FGD4: variants seen among roughly 807,000 people sequenced by gnomAD.
The protein encoded by FGD4 is FYVE, RhoGEF and PH domain containing 4.
In FGD4, 42 loss-of-function variants were observed where a neutral mutation model predicts 102.0. The ratio of observed to expected loss-of-function variants is 0.41; its 90% CI spans 0.32 to 0.53. The LOEUF is 0.53. Ranked by LOEUF, FGD4 falls within the 20% of genes least tolerant of loss-of-function variation. The pLI is 0.21. For synonymous variants in FGD4, 380 were observed against 375.7 expected, an observed-to-expected ratio of 1.01 and a Z score of -0.13; for missense variants, 902 against 1,078.2, an observed-to-expected ratio of 0.84 and a Z score of 2.29.
intron 10 of FGD4, among the ~76,000 whole-genome samples, chr12:32,616,045 T>TAAA (rs1379337422): frequency 1.3e-5 from 2 of 152,090 alleles, no homozygotes; most frequent in African/African-American, 4.8e-5. Flanking sequence ...AAATACTTAA[T>TAAA]AAAAAGACGT....
intron 1 of FGD4, among the ~76,000 whole-genome samples, chr12:32,450,580 T>G (rs1274721302): frequency 6.6e-6 from 1 of 152,220 alleles, no homozygotes; most frequent in Non-Finnish European, 1.5e-5. Flanking sequence ...AATCAGCGAT[T>G]TCTCCAAGAG....
Position 32,582,099 on chromosome 12 carries a change from G to T in FGD4, c.643G>T (p.Asp215Tyr), listed in dbSNP as rs760087704. The T allele has an allele frequency of 3.1e-6, 5 of 1,614,202 alleles. No homozygotes were observed. The highest frequency in any genetic ancestry group is 4.2e-6 in the Non-Finnish European group (5 of 1,180,040). Residue 215 changes from aspartate to tyrosine, a missense_variant, in exon 4 of 17, where the codon GAT (aspartate) becomes TAT (tyrosine). Asp to Tyr is a radical substitution (Grantham distance 160, BLOSUM62 -3). This residue lies in a region of FGD4 where 443 missense variants were observed against 459.2 expected (regional missense o/e 0.96). Coordinates refer to ENST00000534526, the MANE Select transcript of FGD4 (RefSeq NM_001370298.3). Reference sequence around the variant, plus strand: ...GCACTTGCCACAGAGGCAGGGAAATGATACAGATAAGACTCAGGGTGCACA... The same window carrying T: ...GCACTTGCCACAGAGGCAGGGAAATTATACAGATAAGACTCAGGGTGCACA... ...SQHLPQRQGN[D>Y]TDKTQGAQTC...
intron 1 of FGD4, among the ~76,000 whole-genome samples, chr12:32,553,231 C>T (rs185248697): frequency 6.6e-6 from 1 of 152,274 alleles, no homozygotes; most frequent in Admixed American, 6.5e-5. Context: ...CTTCTTATAA[C>T]AGGCACTGTG....
chr12:32,465,208 A>G (rs1943218897), intron 1 of FGD4, among the ~76,000 whole-genome samples: 1 of 150,184 alleles, frequency 6.7e-6, no homozygotes, highest in Non-Finnish European at 1.5e-5. Context: ...ATAGCCTACT[A>G]TTGACCAGAA....
intron 1 of FGD4, among the ~76,000 whole-genome samples, chr12:32,446,115 C>T (rs1196443379): frequency 1.3e-5 from 2 of 152,322 alleles, no homozygotes; most frequent in South Asian, 4.1e-4. Context: ...GATCAGGCGA[C>T]TGCACTCCAG....
chr12:32,585,280 CT>C (rs1946935734), intron 4 of FGD4, among the ~76,000 whole-genome samples: 1 of 139,160 alleles, frequency 7.2e-6, no homozygotes, highest in Non-Finnish European at 1.6e-5. Context: ...GGCAACTTTT[CT>C]TTATTCACTT....
rs762355428 is a variant in FGD4 at position 32,500,831 on chromosome 12, A to G, written c.167-63306A>G. The stretch of plus-strand genomic sequence containing the variant: ...ATTCTGGATTCTTAGGTACTTCTAA[A>G]TTTGCACTAGAATTTTAAAACAGTC... On this transcript the variant is annotated intron_variant, in intron 1 of 16. Transcript: ENST00000534526. Among the ~76,000 whole-genome samples the G allele has an allele frequency of 9.7e-4, 148 of 152,146 alleles. 2 individuals are homozygous for G. The highest frequency in any genetic ancestry group is 2.2e-4 in the Non-Finnish European group (15 of 68,022).
chr12:32,607,895 T>G (rs1213233150), intron 7 of FGD4, 62 bp from the exon 8 acceptor site: 1 of 1,594,150 alleles, frequency 6.3e-7, no homozygotes, highest in East Asian at 2.2e-5. Flanking sequence ...TGTTTTACAG[T>G]GAGTTTTTAG....
intron 1 of FGD4, among the ~76,000 whole-genome samples, chr12:32,438,273 A>T (rs1053913010): frequency 1.6e-4 from 25 of 152,236 alleles, no homozygotes; most frequent in African/African-American, 5.3e-4. Context: ...TTGGAGAGGT[A>T]TAGCATCTAA....
intron 5 of FGD4, chr12:32,600,343 ATTAC>A (rs1948296910): frequency 1.5e-6 from 1 of 663,944 alleles, no homozygotes; most frequent in Non-Finnish European, 2.3e-6. Flanking sequence ...TAGAGTCCTA[ATTAC>A]TATAGTAACC....
chr12:32,574,320 T>A (rs1218855926), intron 2 of FGD4, among the ~76,000 whole-genome samples: 1 of 148,536 alleles, frequency 6.7e-6, no homozygotes, highest in Non-Finnish European at 1.5e-5. Flanking sequence ...GAATTATTCA[T>A]AACCTTAAGT....
intron 1 of FGD4, among the ~76,000 whole-genome samples, chr12:32,469,868 A>G (rs1943370540): frequency 6.6e-6 from 1 of 151,850 alleles, no homozygotes; most frequent in Admixed American, 6.6e-5. Context: ...CATGTTGGTC[A>G]GGCTGGTCTT....
intron 1 of FGD4, among the ~76,000 whole-genome samples, chr12:32,413,093 T>C (rs1466430605): frequency 6.6e-6 from 1 of 151,298 alleles, no homozygotes; most frequent in Non-Finnish European, 1.5e-5. Flanking sequence ...AAAATTTTTT[T>C]TAAATTATAG....
chr12:32,633,467 AT>A, intron 14 of FGD4, 81 bp from the exon 15 acceptor site: 1 of 1,434,758 alleles, frequency 7.0e-7, no homozygotes, highest in Non-Finnish European at 9.6e-7. Flanking sequence ...ACATTTTCTC[AT>A]TTATTATTAC....
chr12:32,644,271 C>T lies in FGD4; in HGVS notation c.*3738C>T, dbSNP rs559295592. 131 of 152,132 alleles carry T rather than the reference C, an allele frequency of 8.6e-4. No individual in the cohort carries two copies. Among genetic ancestry groups the T allele is most frequent in the African/African-American group, 3.1e-3 (130 of 41,520 alleles). 9.4% of individuals were successfully genotyped at this position (152,132 alleles called of 1,614,324 possible). ...GATCATGTTGCTTCTTCATTCTTAC[C>T]AATTTTATTAGAATCAAACTTCTTG... On this transcript the variant is annotated 3_prime_UTR_variant, in exon 17 of 17. Transcript: ENST00000534526.
Position 32,641,984 on chromosome 12 carries a change from A to G in FGD4, c.*1451A>G, listed in dbSNP as rs1951175287. 1 of 152,180 alleles carries G rather than the reference A, an allele frequency of 6.6e-6. No homozygotes were observed. The highest frequency in any genetic ancestry group is 2.1e-4 in the South Asian group (1 of 4,830). The allele number at this position is 152,180 out of a possible 1,614,324, so 9.4% of individuals were successfully genotyped here. A position where few individuals can be genotyped will look rare whatever the true frequency, so the allele number is the denominator to read the frequency against. On this transcript the variant is annotated 3_prime_UTR_variant, in exon 17 of 17. Transcript: ENST00000534526. The stretch of plus-strand genomic sequence containing the variant: ...ATGTACCAGTCTGCTAGAAATCTAC[A>G]AGAATGATCCCACTATCTTTAGTAT...
intron 1 of FGD4, among the ~76,000 whole-genome samples, chr12:32,548,767 C>T (rs916727741): frequency 6.6e-6 from 1 of 152,240 alleles, no homozygotes; most frequent in African/African-American, 2.4e-5. Flanking sequence ...ATCCTGGGTC[C>T]TGCCCTACTG....
At chr12:32,636,225 T>C (rs2137049774) in intron 15 of FGD4, among the ~76,000 whole-genome samples, 1 of 152,250 alleles carries the variant, frequency 6.6e-6, no homozygotes, top group South Asian at 2.1e-4. Flanking sequence ...TATCGTCTGC[T>C]AACCAGTGCT....
chr12:32,552,434 A>ATTTTTTTTTTTTTTTTTTTTTTTTTTTT (rs66646521), intron 1 of FGD4, among the ~76,000 whole-genome samples: 1 of 120,968 alleles, frequency 8.3e-6, no homozygotes, highest in Non-Finnish European at 1.7e-5. Context: ...TAATTTTTGC[A>ATTTTTTTTTTTTTTTTTTTTTTTTTTTT]TTTTTTTTTT....
Sources: allele counts gnomAD v4.1 joint callset (sites outside exome capture counted in the v4.1 genomes callset), GRCh38; gene constraint gnomAD v4.1.1; regional missense constraint gnomAD v4.1.1; transcripts MANE v1.5; gene names NCBI Gene and HGNC (gene_info 2026-07-23, HGNC 2026-07-21).